Variants in BLTP3B observed in about 807,000 individuals in gnomAD.
BLTP3B encodes UHRF1 (ICBP90) binding protein 1-like.
At chr12:100,131,860 G>A in the BLTP3B span, among the ~76,000 whole-genome samples, 2 of 152,202 alleles carry the variant, frequency 1.3e-5, no homozygotes, top group Non-Finnish European at 2.9e-5. Flanking sequence ...CACAATCTCA[G>A]CTCACTGCAA....
chr12:100,059,868 A>C, the BLTP3B span: 1 of 1,611,372 alleles, frequency 6.2e-7, no homozygotes, highest in South Asian at 1.1e-5. Flanking sequence ...TTAAGCCATC[A>C]ACTCGAACAT....
At chr12:100,128,683 C>T in the BLTP3B span, 66 of 1,288,306 alleles carry the variant, frequency 5.1e-5, no homozygotes, top group African/African-American at 9.1e-5. Context: ...GGTGATTATG[C>T]AATTCACAGC....
chr12:100,054,611 T>A, the BLTP3B span, among the ~76,000 whole-genome samples: 2 of 152,176 alleles, frequency 1.3e-5, no homozygotes, highest in African/African-American at 4.8e-5. Context: ...ACGGGGGAAC[T>A]AGAGTTATCT....
the BLTP3B span, among the ~76,000 whole-genome samples, chr12:100,116,330 C>T: frequency 1.1e-4 from 16 of 150,944 alleles, no homozygotes; most frequent in African/African-American, 1.9e-4. Flanking sequence ...GGCAGGGGCC[C>T]GTAGTCCAAG....
At chr12:100,060,878 C>T in the BLTP3B span, among the ~76,000 whole-genome samples, 51 of 152,162 alleles carry the variant, frequency 3.4e-4, no homozygotes, top group Middle Eastern at 6.8e-3. Flanking sequence ...AAAAATAAAT[C>T]AAAGGTGTGA....
At chr12:100,052,629 T>C in the BLTP3B span, among the ~76,000 whole-genome samples, 1 of 151,806 alleles carries the variant, frequency 6.6e-6, no homozygotes, top group South Asian at 2.1e-4. Flanking sequence ...AACGAGCACA[T>C]GGGAAAACAT....
At chr12:100,089,549 G>A in the BLTP3B span, among the ~76,000 whole-genome samples, 5 of 151,900 alleles carry the variant, frequency 3.3e-5, no homozygotes, top group African/African-American at 1.2e-4. Context: ...AACAGAGCGA[G>A]ACTCCATCTC....
the BLTP3B span, among the ~76,000 whole-genome samples, chr12:100,078,196 T>C: frequency 2.7e-5 from 4 of 149,974 alleles, no homozygotes; most frequent in African/African-American, 1.0e-4. Context: ...AACAGTGAGT[T>C]CTCATAAAGT....
the BLTP3B span, among the ~76,000 whole-genome samples, chr12:100,061,302 G>GA: frequency 2.0e-5 from 3 of 152,170 alleles, no homozygotes; most frequent in Non-Finnish European, 4.4e-5. Context: ...CTAGAGCACA[G>GA]AAAGAACCCC....
chr12:100,108,055 T>C, the BLTP3B span, among the ~76,000 whole-genome samples: 1 of 152,144 alleles, frequency 6.6e-6, no homozygotes, highest in African/African-American at 2.4e-5. Flanking sequence ...CACTACAAGT[T>C]TAGATTGTCC....
chr12:100,075,480 T>C, the BLTP3B span, among the ~76,000 whole-genome samples: 3 of 152,162 alleles, frequency 2.0e-5, no homozygotes, highest in South Asian at 2.1e-4. Context: ...AAAACAAAAA[T>C]AGACAAGTGA....
the BLTP3B span, among the ~76,000 whole-genome samples, chr12:100,063,331 T>C: frequency 2.1e-4 from 32 of 152,258 alleles, no homozygotes; most frequent in East Asian, 4.8e-3. Context: ...CAGAGCCTGG[T>C]AGACTTGCTG....
chr12:100,096,842 G>A, the BLTP3B span, among the ~76,000 whole-genome samples: 1 of 151,834 alleles, frequency 6.6e-6, no homozygotes, highest in Non-Finnish European at 1.5e-5. Context: ...ATAAAAATAA[G>A]GCAGAGGCAG....
the BLTP3B span, chr12:100,142,566 G>C: frequency 1.2e-6 from 2 of 1,605,152 alleles, no homozygotes; most frequent in East Asian, 2.3e-5. Flanking sequence ...AGGCCGACTG[G>C]CGCCGACACC....
the BLTP3B span, among the ~76,000 whole-genome samples, chr12:100,082,109 G>A: frequency 6.6e-6 from 1 of 152,092 alleles, no homozygotes; most frequent in African/African-American, 2.4e-5. Flanking sequence ...ATTCTGAGTG[G>A]GGTGAGATGG....
At chr12:100,110,197 C>T in the BLTP3B span, among the ~76,000 whole-genome samples, 5 of 152,112 alleles carry the variant, frequency 3.3e-5, no homozygotes, top group African/African-American at 1.2e-4. Flanking sequence ...TATTCACATG[C>T]CCTACTTGTC....
At chr12:100,045,225 T>G in the BLTP3B span, among the ~76,000 whole-genome samples, 2 of 152,190 alleles carry the variant, frequency 1.3e-5, no homozygotes, top group Non-Finnish European at 2.9e-5. Flanking sequence ...CCACTGACTT[T>G]CTTCACAGAA....
At chr12:100,051,189 C>T in the BLTP3B span, 1 of 1,610,528 alleles carries the variant, frequency 6.2e-7, no homozygotes. Context: ...TCTGCTGTGC[C>T]CCTGTAATTT....
At chr12:100,071,875 CT>C in the BLTP3B span, among the ~76,000 whole-genome samples, 1 of 152,226 alleles carries the variant, frequency 6.6e-6, no homozygotes, top group Admixed American at 6.5e-5. Context: ...AAACAAATGA[CT>C]TTATTCTACA....
Sources: allele counts gnomAD v4.1 joint callset (sites outside exome capture counted in the v4.1 genomes callset), GRCh38; gene constraint gnomAD v4.1.1; transcripts MANE v1.5; gene names NCBI Gene and HGNC (gene_info 2026-07-23, HGNC 2026-07-21).